NPR1: variants seen among roughly 807,000 people sequenced by gnomAD.
NPR1 encodes natriuretic peptide receptor 1, also known as atrial natriuretic peptide receptor 1.
In NPR1, 57 loss-of-function variants were observed where a neutral mutation model predicts 116.9. That is an observed-to-expected ratio of 0.49 (90% CI 0.39 to 0.61). The LOEUF is 0.61. Ranked by LOEUF, NPR1 falls within the 20% of genes least tolerant of loss-of-function variation. NPR1 has a pLI of 0.00. For missense variants in NPR1, 1,096 were observed against 1,409.8 expected (o/e 0.78, Z 3.56); for synonymous variants, 555 against 601.6 (o/e 0.92, Z 1.13).
rs149008713 is a variant in NPR1 at position 153,687,664 on chromosome 1, G to A, written c.2123G>A (p.Arg708Gln). The stretch of plus-strand genomic sequence containing the variant: ...CTGTGGACGGCCCCTGAGCTCCTGC[G>A]AATGGCTTCACCCCCTGTGCGGGGC... ...KKLWTAPELL[R>Q]MASPPVRGSQ... The change falls in exon 14 of 22, where the codon CGA becomes CAA. Residue 708 changes from arginine to glutamine, a missense_variant. By Grantham distance (43) the Arg-to-Gln change is conservative. Coordinates refer to ENST00000368680, the MANE Select transcript of NPR1 (RefSeq NM_000906.4). 6 of 1,597,826 alleles carry A rather than the reference G, an allele frequency of 3.8e-6. No individual in the cohort carries two copies. Among genetic ancestry groups the A allele is most frequent in the East Asian group, 2.3e-5 (1 of 44,406 alleles).
Position 153,689,561 on chromosome 1 carries a change from T to C in NPR1, c.2757+40T>C. The C allele has an allele frequency of 6.3e-7, 1 of 1,581,194 alleles. No individual in the cohort carries two copies. The highest frequency in any genetic ancestry group is 2.2e-5 in the East Asian group (1 of 44,724). On this transcript the variant is annotated intron_variant, in intron 18 of 21. Coordinates refer to ENST00000368680, the MANE Select transcript of NPR1 (RefSeq NM_000906.4). This position sits in a 1 kb window ranked among gnomAD's most constrained non-coding sequence, Gnocchi z 5.1. Reference sequence around the variant, plus strand: ...GGGGATGGGAAGGGACAGACAGACATGGACAAGGTCAGAAAAAGATGAGGG... The same window carrying C: ...GGGGATGGGAAGGGACAGACAGACACGGACAAGGTCAGAAAAAGATGAGGG...
chr1:153,690,542 A>G (rs1025288196), intron 20 of NPR1, among the ~76,000 whole-genome samples, 160 bp downstream of exon 20: 1 of 152,050 alleles, frequency 6.6e-6, no homozygotes, highest in Non-Finnish European at 1.5e-5. Context: ...GGGCTCATCA[A>G]CTTGACTGTA....
chr1:153,690,033 G>A, intron 19 of NPR1, 53 bp downstream of exon 19: 1 of 1,437,716 alleles, frequency 7.0e-7, no homozygotes, highest in Middle Eastern at 1.8e-4. Flanking sequence ...CTTCGCAAGG[G>A]AAACTTGTCC....
chr1:153,681,537 G>T, intron 3 of NPR1, 167 bp from the exon 4 acceptor site: 1 of 719,954 alleles, frequency 1.4e-6, no homozygotes, highest in Non-Finnish European at 2.3e-6. Context: ...AGGAAGTGAT[G>T]CTAATCCAAA....
At chr1:153,682,843 C>T (rs61806719) in intron 5 of NPR1, among the ~76,000 whole-genome samples, 3,115 of 152,272 alleles carry the variant, frequency 0.02, 54 homozygotes, top group Middle Eastern at 0.041. Flanking sequence ...CGGGGAGCTC[C>T]GAAGGGAGGC....
rs1669690581 is a variant in NPR1 at position 153,679,282 on chromosome 1, C to A, written c.174C>A (p.Ala58=). 2.0e-6 allele frequency: 3 copies of A among 1,529,342 alleles called. No individual in the cohort carries two copies. The highest frequency in any genetic ancestry group is 1.8e-4 in the Middle Eastern group (1 of 5,556). 94.7% of individuals were successfully genotyped at this position (1,529,342 alleles called of 1,614,324 possible). A position where few individuals can be genotyped will look rare whatever the true frequency, so the allele number is the denominator to read the frequency against. The change falls in exon 1 of 22, where the codon GCC becomes GCA. Residue 58 remains alanine, a synonymous_variant. Transcript: ENST00000368680. The surrounding 1 kb of genome is among the most constrained non-coding windows in gnomAD (Gnocchi z 4.2). ...GGTCGTGGGCGCGCGTGGGACCCGC[C>A]GTGGAGCTGGCCCTGGCCCAGGTGA... is the stretch of plus-strand genomic sequence containing the variant. ...YPWSWARVGP[A]VELALAQVKA... is the part of the protein sequence containing the mutation.
chr1:153,688,295 G>A, intron 15 of NPR1, 74 bp downstream of exon 15: 8 of 1,513,154 alleles, frequency 5.3e-6, no homozygotes, highest in Middle Eastern at 1.8e-4. Flanking sequence ...TCTGGCTCTG[G>A]CTTATCCCAG....
intron 6 of NPR1, 31 bp downstream of exon 6, chr1:153,683,542 C>G: frequency 3.1e-6 from 5 of 1,612,668 alleles, no homozygotes; most frequent in Non-Finnish European, 4.2e-6. Flanking sequence ...AGGCCTCCAT[C>G]CCAGAGATGC....
intron 4 of NPR1, among the ~76,000 whole-genome samples, chr1:153,682,053 T>C (rs1415386439): frequency 1.3e-5 from 2 of 150,764 alleles, no homozygotes; most frequent in African/African-American, 4.9e-5. Flanking sequence ...ACCTTTCTTT[T>C]TCTTTTTTCT....
chr1:153,683,772 G>A lies in NPR1; in HGVS notation c.1432G>A (p.Val478Met). Residue 478 changes from valine (V) to methionine (M), a missense_variant, in exon 7 of 22, where the codon GTG (valine) becomes ATG (methionine). Coordinates refer to ENST00000368680, the MANE Select transcript of NPR1 (RefSeq NM_000906.4). ...TTCCACCCTGGAGGTGCTGGCTTTG[G>A]TGGGCAGCCTCTCCTTGCTCGGCAT... ...HLSTLEVLAL[V>M]GSLSLLGILI... 2 of 1,614,120 alleles carry A rather than the reference G, an allele frequency of 1.2e-6. No homozygotes were observed. The highest frequency in any genetic ancestry group is 1.7e-6 in the Non-Finnish European group (2 of 1,180,024).
chr1:153,685,953 G>T, intron 9 of NPR1, 73 bp downstream of exon 9: 4 of 1,489,658 alleles, frequency 2.7e-6, no homozygotes, highest in South Asian at 2.3e-5. Flanking sequence ...CTGGTGGGGG[G>T]TTCTGAGGGA....
intron 14 of NPR1, 106 bp downstream of exon 14, chr1:153,687,895 G>A (rs983383997): frequency 3.9e-6 from 5 of 1,274,554 alleles, no homozygotes; most frequent in Non-Finnish European, 4.4e-6. Context: ...CTGTAATGGG[G>A]TTCAGTCACC....
intron 4 of NPR1, among the ~76,000 whole-genome samples, 173 bp from the exon 5 acceptor site, chr1:153,682,325 G>T (rs1431160328): frequency 3.3e-5 from 5 of 152,128 alleles, no homozygotes; most frequent in African/African-American, 9.7e-5. Context: ...CTCCCAAAGT[G>T]CTGGGATTAC....
At position 153,689,203 on chromosome 1, in the gene NPR1, G is replaced by C; in HGVS notation, c.2580G>C (p.Gln860His). The change falls in exon 17 of 22, where the codon CAG becomes CAC. Residue 860 changes from glutamine to histidine, a missense_variant. Gln to His is a conservative substitution (Grantham distance 24, BLOSUM62 0). Transcript: ENST00000368680. The surrounding 1 kb of genome is among the most constrained non-coding windows in gnomAD (Gnocchi z 5.1). ...YQILPHSVAE[Q>H]LKRGETVQAE... ...GACCCCTTAGCTCAGTGGCTGAGCA[G>C]CTGAAGCGTGGGGAGACGGTGCAGG... 1 of 1,614,208 alleles carries C rather than the reference G, an allele frequency of 6.2e-7. No individual in the cohort carries two copies. The highest frequency in any genetic ancestry group is 8.5e-7 in the Non-Finnish European group (1 of 1,180,034).
chr1:153,689,412 T>C lies in NPR1; in HGVS notation c.2689-41T>C, dbSNP rs1670027422. Reference sequence around the variant, plus strand: ...TTTACCCACCTGACCCCAGGTGGGGTCCCCTACTTCCTGTCTCTCTTAGCT... The same window carrying C: ...TTTACCCACCTGACCCCAGGTGGGGCCCCCTACTTCCTGTCTCTCTTAGCT... On this transcript the variant is annotated intron_variant, in intron 17 of 21. Transcript: ENST00000368680. The surrounding 1 kb of genome is among the most constrained non-coding windows in gnomAD (Gnocchi z 5.1). The C allele has an allele frequency of 6.2e-7, 1 of 1,612,532 alleles. No homozygotes were observed. Among genetic ancestry groups the C allele is most frequent in the Non-Finnish European group, 8.5e-7 (1 of 1,178,736 alleles).
chr1:153,679,724 C>G lies in NPR1; in HGVS notation c.616C>G (p.Arg206Gly). 2 of 1,605,506 alleles carry G rather than the reference C, an allele frequency of 1.2e-6. No homozygotes were observed. The highest frequency in any genetic ancestry group is 1.7e-6 in the Non-Finnish European group (2 of 1,178,102). ...CFFLVEGLFM[R>G]VRDRLNITVD... The stretch of plus-strand genomic sequence containing the variant: ...CTTCCTCGTGGAGGGGCTGTTCATG[C>G]GGGTCCGCGACCGCCTCAATATTAC... The change falls in exon 1 of 22, where the codon CGG becomes GGG. Residue 206 changes from arginine to glycine, a missense_variant. By Grantham distance (125) the Arg-to-Gly change is moderately radical (BLOSUM62 -2). Coordinates refer to ENST00000368680, the MANE Select transcript of NPR1 (RefSeq NM_000906.4). This position sits in a 1 kb window ranked among gnomAD's most constrained non-coding sequence, Gnocchi z 4.2.
At chr1:153,680,471 T>G in intron 1 of NPR1, 30 bp from the exon 2 acceptor site, 1 of 1,609,592 alleles carries the variant, frequency 6.2e-7, no homozygotes, top group Non-Finnish European at 8.5e-7. Flanking sequence ...GTACCTAGGC[T>G]TCTCTCTCTG....
chr1:153,685,601 C>T (rs927470447), intron 8 of NPR1, among the ~76,000 whole-genome samples: 2 of 151,970 alleles, frequency 1.3e-5, no homozygotes, highest in African/African-American at 4.8e-5. Context: ...GAGTCTGAGG[C>T]GGCAGTGACC....
At chr1:153,686,844 C>G (rs9662884) in intron 11 of NPR1, 94 bp downstream of exon 11, 1 of 1,312,686 alleles carries the variant, frequency 7.6e-7, no homozygotes, top group East Asian at 2.4e-5. Flanking sequence ...CGCCCTCTTT[C>G]TGACCTTTCT....
Sources: allele counts gnomAD v4.1 joint callset (sites outside exome capture counted in the v4.1 genomes callset), GRCh38; gene constraint gnomAD v4.1.1; non-coding constraint Gnocchi (gnomAD v3.1); transcripts MANE v1.5; gene names NCBI Gene and HGNC (gene_info 2026-07-23, HGNC 2026-07-21).